POU6F2: variants seen among roughly 807,000 people sequenced by gnomAD.
The protein encoded by POU6F2 is POU class 6 homeobox 2.
POU6F2 carries 31 observed loss-of-function variants against 71.3 expected under a neutral mutation model. The observed-to-expected ratio is 0.43, with a 90% CI of 0.33 to 0.59. The LOEUF (loss-of-function observed/expected upper bound fraction) is 0.59. Ranked by LOEUF, POU6F2 falls within the 20% of genes least tolerant of loss-of-function variation. The probability of loss-of-function intolerance (pLI) is 0.04; values close to 1 mark genes in which losing one functional copy is unlikely to be tolerated. For missense variants in POU6F2, 783 were observed against 856.8 expected (o/e 0.91, Z 1.07); for synonymous variants, 347 against 355.7 (o/e 0.98, Z 0.27).
chr7:39,370,331 T>G (rs1786583366), intron 5 of POU6F2, among the ~76,000 whole-genome samples: 1 of 152,076 alleles, frequency 6.6e-6, no homozygotes, highest in South Asian at 2.1e-4. Context: ...TAAGAGAACA[T>G]AGTAAAGGAT....
At chr7:39,201,669 C>T (rs1457403527) in intron 2 of POU6F2, among the ~76,000 whole-genome samples, 1 of 152,164 alleles carries the variant, frequency 6.6e-6, no homozygotes, top group East Asian at 1.9e-4. Flanking sequence ...TTCCTAGGCT[C>T]CTGGTCAGGA....
chr7:39,236,845 G>A (rs554807055), intron 4 of POU6F2, among the ~76,000 whole-genome samples: 1 of 152,040 alleles, frequency 6.6e-6, no homozygotes, highest in Non-Finnish European at 1.5e-5. Context: ...AAAATTAATC[G>A]TAGTTTATAC....
intron 8 of POU6F2, among the ~76,000 whole-genome samples, chr7:39,458,689 C>T (rs776586933): frequency 6.6e-6 from 1 of 152,144 alleles, no homozygotes; most frequent in Non-Finnish European, 1.5e-5. Context: ...TTCATCTTAA[C>T]AGTCAAACCA....
At chr7:39,164,594 G>A (rs1293236954) in intron 2 of POU6F2, among the ~76,000 whole-genome samples, 2 of 151,676 alleles carry the variant, frequency 1.3e-5, no homozygotes, top group Non-Finnish European at 2.9e-5. Context: ...GGGATGCTGT[G>A]GAAGCATTTG....
chr7:39,259,390 C>T (rs891340335), intron 4 of POU6F2, among the ~76,000 whole-genome samples: 4 of 152,108 alleles, frequency 2.6e-5, no homozygotes, highest in South Asian at 2.1e-4. Flanking sequence ...CATGCACAAA[C>T]GACATAACTT....
intron 1 of POU6F2, among the ~76,000 whole-genome samples, chr7:38,982,458 C>T (rs543257100): frequency 6.6e-6 from 1 of 152,106 alleles, no homozygotes; most frequent in East Asian, 1.9e-4. Flanking sequence ...TGAATTTGTA[C>T]TATGTATTGT....
intron 1 of POU6F2, among the ~76,000 whole-genome samples, chr7:39,081,293 C>A (rs1241225186): frequency 6.6e-6 from 1 of 152,072 alleles, no homozygotes; most frequent in Non-Finnish European, 1.5e-5. Flanking sequence ...GATAATCGAA[C>A]CTTGCCCATT....
intron 5 of POU6F2, among the ~76,000 whole-genome samples, chr7:39,362,582 G>A (rs1408904102): frequency 6.6e-6 from 1 of 152,086 alleles, no homozygotes; most frequent in African/African-American, 2.4e-5. Context: ...TGAGTCATTT[G>A]TTCATTTATC....
At position 39,227,446 on chromosome 7, in the gene POU6F2, G is replaced by T. The variant is rs559048743; in HGVS notation, c.598+19826G>T. 1.3e-4 allele frequency among the ~76,000 whole-genome samples: 20 copies of T among 152,118 alleles called. No homozygotes were observed. In the East Asian group the frequency reaches 3.9e-3, roughly 29 times the overall value. ...AACTACAGAGGTGCTTCTCAGGTGG[G>T]GCTGCCCATGTAGCATCACCTGGGC... On this transcript the variant is annotated intron_variant, in intron 4 of 9. Coordinates refer to ENST00000518318, the MANE Select transcript of POU6F2 (RefSeq NM_001370959.1).
intron 1 of POU6F2, among the ~76,000 whole-genome samples, chr7:38,983,957 C>A (rs1003736895): frequency 6.6e-6 from 1 of 151,966 alleles, no homozygotes; most frequent in Non-Finnish European, 1.5e-5. Context: ...GCTTTAAAAC[C>A]CCCATGGTAT....
chr7:38,981,382 C>A (rs945322850), intron 1 of POU6F2, among the ~76,000 whole-genome samples: 2 of 152,092 alleles, frequency 1.3e-5, no homozygotes, highest in African/African-American at 2.4e-5. Flanking sequence ...GTGTCCAATA[C>A]TCCTTCTGGC....
rs199750368 is a variant in POU6F2, at chr7:39,011,990, C to G, written c.105+33932C>G. 8.4e-4 allele frequency among the ~76,000 whole-genome samples: 128 copies of G among 152,242 alleles called. 3 individuals carry two copies. In the East Asian group the frequency reaches 0.021, roughly 24 times the overall value. On this transcript the variant is annotated intron_variant, in intron 1 of 9. Coordinates refer to ENST00000518318, the MANE Select transcript of POU6F2 (RefSeq NM_001370959.1). The stretch of plus-strand genomic sequence containing the variant: ...TTCATTTCAACTTTGGTGAAACTGA[C>G]AATTATGTGTCTTGGAGTTGCTCTT...
intron 1 of POU6F2, among the ~76,000 whole-genome samples, chr7:39,055,110 T>C (rs1214523328): frequency 1.3e-5 from 2 of 152,020 alleles, no homozygotes; most frequent in African/African-American, 4.8e-5. Context: ...AAGTAGTGGA[T>C]TGTAGGAACG....
At chr7:39,369,613 C>G (rs1211296742) in intron 5 of POU6F2, among the ~76,000 whole-genome samples, 1 of 152,098 alleles carries the variant, frequency 6.6e-6, no homozygotes, top group Non-Finnish European at 1.5e-5. Flanking sequence ...ATCTGCCCTC[C>G]TTGGCCTCCC....
At chr7:39,095,994 TTCATTTTC>T (rs1278268585) in intron 2 of POU6F2, among the ~76,000 whole-genome samples, 1 of 152,198 alleles carries the variant, frequency 6.6e-6, no homozygotes, top group East Asian at 1.9e-4. Context: ...TTGTTGCTCT[TTCATTTTC>T]TCTGGCTATT....
chr7:39,393,496 G>A (rs1296080048), intron 5 of POU6F2, among the ~76,000 whole-genome samples: 1 of 152,110 alleles, frequency 6.6e-6, no homozygotes, highest in African/African-American at 2.4e-5. Context: ...CACTTAAGAT[G>A]GGTGTGACAT....
At chr7:39,300,197 C>T (rs2128764445) in intron 4 of POU6F2, among the ~76,000 whole-genome samples, 1 of 152,246 alleles carries the variant, frequency 6.6e-6, no homozygotes, top group East Asian at 1.9e-4. Context: ...ACAAACGTGA[C>T]TTTATAAAAG....
chr7:38,989,349 ATAAT>A (rs1244520976), intron 1 of POU6F2, among the ~76,000 whole-genome samples: 1 of 152,056 alleles, frequency 6.6e-6, no homozygotes, highest in Non-Finnish European at 1.5e-5. Flanking sequence ...TTGTTAAATA[ATAAT>A]TATTTAATTG....
At chr7:39,047,890 G>T (rs578197182) in intron 1 of POU6F2, among the ~76,000 whole-genome samples, 2 of 151,984 alleles carry the variant, frequency 1.3e-5, no homozygotes, top group Non-Finnish European at 2.9e-5. Context: ...TATAAAATAT[G>T]TTTAAACTGC....
Sources: gnomAD v4.1 joint callset for allele counts (sites outside exome capture counted in the v4.1 genomes callset) on GRCh38, gnomAD v4.1.1 for gene constraint, MANE v1.5 for transcripts, NCBI Gene and HGNC (gene_info 2026-07-23, HGNC 2026-07-21) for gene names.